Variants in OPA3 observed in about 807,000 individuals in gnomAD.
The protein encoded by OPA3 is optic atrophy 3 protein.
OPA3 carries 6 observed loss-of-function variants against 4.0 expected under a neutral mutation model. The ratio of observed to expected loss-of-function variants is 1.51; its 90% CI spans 0.83 to 2.99. The LOEUF is 2.99. Among genes scored for constraint, OPA3 ranks in the 30% most tolerant of loss-of-function variants. OPA3 has a pLI of 0.00. For missense variants in OPA3, 235 were observed against 256.2 expected (o/e 0.92, Z 0.56); for synonymous variants, 105 against 117.1 (o/e 0.90, Z 0.67).
At chr19:45,534,151 G>A (rs1969089846) in intron 1 of OPA3, among the ~76,000 whole-genome samples, 1 of 152,162 alleles carries the variant, frequency 6.6e-6, no homozygotes, top group South Asian at 2.1e-4. Flanking sequence ...CCTCTTATTG[G>A]ACTAAAGGAG....
chr19:45,570,370 G>A (rs958366672), intron 1 of OPA3, among the ~76,000 whole-genome samples: 13 of 152,200 alleles, frequency 8.5e-5, no homozygotes, highest in Non-Finnish European at 1.6e-4. Context: ...TTTGCCAGCT[G>A]TGACAGCCAC....
chr19:45,550,319 C>T lies in OPA3; in HGVS notation c.*3195G>A, dbSNP rs1468215819. Reference sequence around the variant, plus strand: ...GGAAAGCCCGGCCCTCCCACTTTCACCTGCAGCTTCCCAAAAGCGGGCCCA... The same window carrying T: ...GGAAAGCCCGGCCCTCCCACTTTCATCTGCAGCTTCCCAAAAGCGGGCCCA... On this transcript the variant is annotated 3_prime_UTR_variant, in exon 2 of 2. Coordinates refer to ENST00000263275, the MANE Select transcript of OPA3 (RefSeq NM_025136.4). The T allele has an allele frequency of 1.0e-6, 1 of 985,424 alleles. No homozygotes were observed. Among genetic ancestry groups the T allele is most frequent in the Non-Finnish European group, 1.2e-6 (1 of 830,056 alleles). The allele number at this position is 985,424 out of a possible 1,614,324, so 61.0% of individuals were successfully genotyped here.
At chr19:45,543,291 A>T (rs1969207651), downstream of OPA3, among the ~76,000 whole-genome samples, 1 of 148,882 alleles carries the variant, frequency 6.7e-6, no homozygotes, top group African/African-American at 2.5e-5. Flanking sequence ...GATTACAGGC[A>T]TGAGCCACCA....
At chr19:45,570,793 G>A (rs1375530620) in intron 1 of OPA3, among the ~76,000 whole-genome samples, 1 of 151,370 alleles carries the variant, frequency 6.6e-6, no homozygotes, top group Non-Finnish European at 1.5e-5. Flanking sequence ...AACCTGGGAG[G>A]TGGAGGTTGT....
Position 45,548,571 on chromosome 19 carries a change from G to A in OPA3, c.*4943C>T, listed in dbSNP as rs1969284751. ...CATCTGTAAGACCCGGTGACGGCAG[G>A]GCTGGGGCTGTCTCTGTCACCACTG... is the stretch of plus-strand genomic sequence containing the variant. On this transcript the variant is annotated 3_prime_UTR_variant, in exon 2 of 2. Coordinates refer to ENST00000263275, the MANE Select transcript of OPA3 (RefSeq NM_025136.4). The A allele has an allele frequency of 4.1e-6, 4 of 985,310 alleles. No homozygotes were observed. Among genetic ancestry groups the A allele is most frequent in the Admixed American group, 1.2e-4 (2 of 16,256 alleles). The allele number at this position is 985,310 out of a possible 1,614,324, so 61.0% of individuals were successfully genotyped here.
chr19:45,572,670 A>ATATAAATATATATATC (rs1969700386), intron 1 of OPA3, among the ~76,000 whole-genome samples: 2 of 120,548 alleles, frequency 1.7e-5, no homozygotes, highest in Non-Finnish European at 3.7e-5. Flanking sequence ...TATCTATATG[A>ATATAAATATATATATC]GATATATATC....
chr19:45,574,415 GA>G (rs1275323227), intron 1 of OPA3, among the ~76,000 whole-genome samples: 62 of 125,918 alleles, frequency 4.9e-4, no homozygotes, highest in African/African-American at 7.8e-4. Context: ...AAAAAAAAAA[GA>G]AAAAAAAAAC....
intron 1 of OPA3, among the ~76,000 whole-genome samples, chr19:45,559,992 T>C (rs756412823): frequency 2.6e-5 from 4 of 152,128 alleles, no homozygotes; most frequent in Non-Finnish European, 5.9e-5. Flanking sequence ...ACTGACAGGA[T>C]TGGGAGAATG....
chr19:45,543,413 T>C (rs148427314), downstream of OPA3, among the ~76,000 whole-genome samples: 3,624 of 151,764 alleles, frequency 0.024, 59 homozygotes, highest in Non-Finnish European at 0.037. Context: ...CTCCAACTCC[T>C]GGGTTTAAGT....
intron 1 of OPA3, among the ~76,000 whole-genome samples, chr19:45,571,179 T>G (rs1325691291): frequency 6.6e-6 from 1 of 152,126 alleles, no homozygotes; most frequent in Non-Finnish European, 1.5e-5. Flanking sequence ...GGTCTTGCTC[T>G]GTCGCCCAGG....
rs544768139 is a variant in OPA3 at position 45,536,372 on chromosome 19, C to T, written c.143-6916G>A. On this transcript the variant is annotated intron_variant, in intron 1 of 1. Transcript: ENST00000323060. ...CAGCCTGGCCAACATGGCAAAACCC[C>T]GTCTCTACTAAAAATACAACAAAAA... is the stretch of plus-strand genomic sequence containing the variant. Among the ~76,000 whole-genome samples the T allele has an allele frequency of 8.3e-4, 126 of 151,888 alleles. 2 individuals carry two copies. Among genetic ancestry groups the T allele is most frequent in the South Asian group, 1.5e-3 (7 of 4,808 alleles).
At chr19:45,576,138 G>A (rs998658804) in intron 1 of OPA3, among the ~76,000 whole-genome samples, 5 of 152,062 alleles carry the variant, frequency 3.3e-5, no homozygotes, top group East Asian at 1.9e-4. Context: ...CAGGAGAATC[G>A]CTTGAAACCG....
At position 45,552,956 on chromosome 19, in the gene OPA3, G is replaced by A. The variant is rs1969358017; in HGVS notation, c.*558C>T. 3 of 988,570 alleles carry A rather than the reference G, an allele frequency of 3.0e-6. No homozygotes were observed. Among genetic ancestry groups the A allele is most frequent in the Non-Finnish European group, 3.6e-6 (3 of 831,504 alleles). The allele number at this position is 988,570 out of a possible 1,614,324, so 61.2% of individuals were successfully genotyped here. A position where few individuals can be genotyped will look rare whatever the true frequency, so the allele number is the denominator to read the frequency against. On this transcript the variant is annotated 3_prime_UTR_variant, in exon 2 of 2. Coordinates refer to ENST00000263275, the MANE Select transcript of OPA3 (RefSeq NM_025136.4). ...CTCCCAAGGTGCTAGGATTACAGGC[G>A]TGAGCCACCGCTCCCAGCCGCACCG... is the stretch of plus-strand genomic sequence containing the variant.
chr19:45,578,279 G>C (rs1328338004), intron 1 of OPA3, among the ~76,000 whole-genome samples: 1 of 152,108 alleles, frequency 6.6e-6, no homozygotes, highest in East Asian at 1.9e-4. Context: ...GAGGATACAA[G>C]ATTCTGACCC....
At position 45,553,613 on chromosome 19, in the gene OPA3, GCC is replaced by G. The variant is rs1425399743; in HGVS notation, c.439_440del (p.Gly147ArgfsTer49). The part of the protein sequence containing the change: ...QAQVQAAPPQ[G>X]ALEELRTELQ... ...GCTCTGTGCGCAGTTCCTCCAGGGC[GCC>G]CTGTGGCGGCGCCGCCTGCACCTGC... On this transcript the variant is annotated frameshift_variant, in exon 2 of 2. Coordinates refer to ENST00000263275, the MANE Select transcript of OPA3 (RefSeq NM_025136.4). LOFTEE classifies it low-confidence loss of function (END_TRUNC). 6.8e-6 allele frequency: 11 copies of G among 1,609,072 alleles called. No individual in the cohort carries two copies. Among genetic ancestry groups the G allele is most frequent in the Non-Finnish European group, 8.5e-6 (10 of 1,179,030 alleles).
chr19:45,581,523 T>C (rs938082737), intron 1 of OPA3, among the ~76,000 whole-genome samples: 31 of 152,274 alleles, frequency 2.0e-4, no homozygotes, highest in African/African-American at 7.5e-4. Flanking sequence ...GGGGGATACG[T>C]CTGTCCCCCG....
At chr19:45,540,360 G>T (rs908173420) in intron 1 of OPA3, among the ~76,000 whole-genome samples, 3 of 151,522 alleles carry the variant, frequency 2.0e-5, no homozygotes, top group African/African-American at 4.8e-5. Context: ...ATAAAACAAA[G>T]GGTGAGTTTC....
intron 1 of OPA3, among the ~76,000 whole-genome samples, chr19:45,568,041 C>G (rs549220406): frequency 1.3e-5 from 2 of 152,158 alleles, no homozygotes; most frequent in Non-Finnish European, 2.9e-5. Flanking sequence ...CTCTATCACA[C>G]AAGCTGGAGT....
chr19:45,544,766 C>A (rs541161538), downstream of OPA3, among the ~76,000 whole-genome samples: 14 of 150,720 alleles, frequency 9.3e-5, no homozygotes, highest in South Asian at 2.9e-3. Flanking sequence ...TGCACTCCAG[C>A]CTGGGCAACA....
Sources: allele counts gnomAD v4.1 joint callset (sites outside exome capture counted in the v4.1 genomes callset), GRCh38; gene constraint gnomAD v4.1.1; transcripts MANE v1.5; gene names NCBI Gene and HGNC (gene_info 2026-07-23, HGNC 2026-07-21).